PTPRN2: variants seen among roughly 807,000 people sequenced by gnomAD.
PTPRN2 encodes protein tyrosine phosphatase receptor type N2.
PTPRN2 carries 74 observed loss-of-function variants against 118.8 expected under a neutral mutation model. That is an observed-to-expected ratio of 0.62 (90% CI 0.52 to 0.76). The LOEUF is 0.76. Ranked by LOEUF, PTPRN2 falls within the 30% of genes least tolerant of loss-of-function variation. The probability of loss-of-function intolerance (pLI) is 0.00; values close to 1 mark genes in which losing one functional copy is unlikely to be tolerated. For missense variants in PTPRN2, 1,481 were observed against 1,394.4 expected (o/e 1.06, Z -0.99); for synonymous variants, 641 against 608.0 (o/e 1.05, Z -0.80).
chr7:157,998,965 G>T (rs1053895265), intron 11 of PTPRN2, among the ~76,000 whole-genome samples: 1 of 152,030 alleles, frequency 6.6e-6, no homozygotes. Flanking sequence ...AGGCATCCGG[G>T]GGCCAGGGGA....
chr7:157,819,632 C>T (rs1806678390), intron 12 of PTPRN2, among the ~76,000 whole-genome samples: 1 of 151,946 alleles, frequency 6.6e-6, no homozygotes, highest in Non-Finnish European at 1.5e-5. Context: ...ACGGCACAGC[C>T]CTCCCCACCC....
intron 1 of PTPRN2, among the ~76,000 whole-genome samples, chr7:158,569,731 GAC>G (rs1310712913): frequency 4.2e-3 from 596 of 143,460 alleles, no homozygotes; most frequent in African/African-American, 0.015. Flanking sequence ...CCGCCTGACT[GAC>G]AGGAACGCGG....
chr7:158,503,245 G>T (rs1017498472), intron 1 of PTPRN2, among the ~76,000 whole-genome samples: 2 of 152,226 alleles, frequency 1.3e-5, no homozygotes, highest in Non-Finnish European at 2.9e-5. Context: ...TCCAGGATGG[G>T]ACTCTCTTCT....
chr7:158,470,738 A>T (rs1431663736), intron 2 of PTPRN2, among the ~76,000 whole-genome samples: 3 of 152,218 alleles, frequency 2.0e-5, no homozygotes, highest in African/African-American at 7.2e-5. Flanking sequence ...CGGAGCATTC[A>T]CCGAGGTGGA....
rs1166877387 is a variant in PTPRN2 at position 158,146,697 on chromosome 7, G to A, written c.911-8182C>T. Among the ~76,000 whole-genome samples the A allele has an allele frequency of 2.0e-5, 3 of 147,746 alleles. 1 individual carries two copies. Among genetic ancestry groups the A allele is most frequent in the Non-Finnish European group, 4.5e-5 (3 of 66,828 alleles). ...GATCGCGCCACTGCACTCCAGCCTGGGCGACAGAGCGAGACTCTGCCTCAA... is the reference window on the plus strand; with the variant it reads ...GATCGCGCCACTGCACTCCAGCCTGAGCGACAGAGCGAGACTCTGCCTCAA... On this transcript the variant is annotated intron_variant, in intron 6 of 22. Coordinates refer to ENST00000389418, the MANE Select transcript of PTPRN2 (RefSeq NM_002847.5).
chr7:157,993,174 G>A (rs1804381801), intron 11 of PTPRN2, among the ~76,000 whole-genome samples: 1 of 152,184 alleles, frequency 6.6e-6, no homozygotes, highest in Non-Finnish European at 1.5e-5. Context: ...CATATTATGG[G>A]CGGCTCATAA....
chr7:157,935,913 G>T (rs370064634), intron 11 of PTPRN2, among the ~76,000 whole-genome samples: 4 of 148,778 alleles, frequency 2.7e-5, no homozygotes, highest in African/African-American at 7.5e-5. Context: ...CCCTCAGGGG[G>T]GTCTAGCCAT....
intron 11 of PTPRN2, among the ~76,000 whole-genome samples, chr7:158,069,851 C>T (rs1347963830): frequency 1.3e-5 from 2 of 152,242 alleles, no homozygotes; most frequent in African/African-American, 2.4e-5. Context: ...ATTTTGCTCT[C>T]ACATCAAATT....
At chr7:157,852,863 C>CAA (rs58298308) in intron 12 of PTPRN2, among the ~76,000 whole-genome samples, 3,295 of 102,632 alleles carry the variant, frequency 0.032, 105 homozygotes, top group South Asian at 0.078. Flanking sequence ...GCAAGTCTCT[C>CAA]AAAAAAAAAA....
intron 12 of PTPRN2, among the ~76,000 whole-genome samples, chr7:157,823,108 C>T (rs1806954726): frequency 6.6e-6 from 1 of 152,084 alleles, no homozygotes; most frequent in African/African-American, 2.4e-5. Flanking sequence ...ATCTATCCTT[C>T]CTTCCATCCA....
At chr7:157,723,202 G>A (rs1010490318) in intron 12 of PTPRN2, among the ~76,000 whole-genome samples, 1 of 152,202 alleles carries the variant, frequency 6.6e-6, no homozygotes, top group African/African-American at 2.4e-5. Context: ...CATAGAATGT[G>A]GGGCCCTGAC....
intron 11 of PTPRN2, among the ~76,000 whole-genome samples, chr7:157,934,475 C>T (rs1261627623): frequency 6.6e-6 from 1 of 152,258 alleles, no homozygotes; most frequent in Non-Finnish European, 1.5e-5. Context: ...TCAACTGGCA[C>T]ATCGGCTCAC....
rs1803294162 is a variant in PTPRN2, at chr7:157,622,169, A to G, written c.2197-660T>C. 6.6e-6 allele frequency among the ~76,000 whole-genome samples: 1 copy of G among 152,012 alleles called. No individual in the cohort carries two copies. Among genetic ancestry groups the G allele is most frequent in the South Asian group, 2.1e-4 (1 of 4,826 alleles). ...TTCTTATTCATCTGTACCGTTGAGA[A>G]CAAGCCCTGATTTTAAGAAAGAACA... On this transcript the variant is annotated intron_variant, in intron 14 of 22. Coordinates refer to ENST00000389418, the MANE Select transcript of PTPRN2 (RefSeq NM_002847.5). The surrounding 1 kb of genome is among the most constrained non-coding windows in gnomAD (Gnocchi z 5.3).
chr7:157,668,706 G>A (rs1796259708), intron 13 of PTPRN2, among the ~76,000 whole-genome samples: 1 of 152,272 alleles, frequency 6.6e-6, no homozygotes, highest in East Asian at 1.9e-4. Context: ...CAGGTGGCTC[G>A]AATGTAAAAC....
At chr7:158,112,458 C>T (rs933174020) in intron 9 of PTPRN2, among the ~76,000 whole-genome samples, 4 of 152,088 alleles carry the variant, frequency 2.6e-5, no homozygotes, top group African/African-American at 7.2e-5. Flanking sequence ...TGCAGGAGGC[C>T]GTCAGCTGGG....
intron 12 of PTPRN2, among the ~76,000 whole-genome samples, chr7:157,825,012 A>C (rs560087583): frequency 6.6e-6 from 1 of 151,974 alleles, no homozygotes; most frequent in Non-Finnish European, 1.5e-5. Context: ...TGCAGACCCC[A>C]CCCCATCTCA....
intron 12 of PTPRN2, among the ~76,000 whole-genome samples, chr7:157,877,485 G>A (rs1055388187): frequency 9.9e-5 from 15 of 151,746 alleles, no homozygotes; most frequent in Admixed American, 3.9e-4. Context: ...GCAGCGCCAG[G>A]GTTTCCTCGG....
chr7:157,730,769 C>T (rs554047868), intron 12 of PTPRN2, among the ~76,000 whole-genome samples: 1 of 152,296 alleles, frequency 6.6e-6, no homozygotes, highest in Non-Finnish European at 1.5e-5. Context: ...GCTACAGAGG[C>T]GTTCTGTGGC....
chr7:158,566,790 A>G (rs772941192), intron 1 of PTPRN2, among the ~76,000 whole-genome samples: 1 of 152,116 alleles, frequency 6.6e-6, no homozygotes, highest in Non-Finnish European at 1.5e-5. Flanking sequence ...ATCTCTGCTC[A>G]CTGCAACCTC....
Sources: allele counts gnomAD v4.1 joint callset (sites outside exome capture counted in the v4.1 genomes callset), GRCh38; gene constraint gnomAD v4.1.1; non-coding constraint Gnocchi (gnomAD v3.1); transcripts MANE v1.5; gene names NCBI Gene and HGNC (gene_info 2026-07-23, HGNC 2026-07-21).